Variants in LRP1B observed in about 807,000 individuals in gnomAD.
LRP1B encodes LDL receptor related protein 1B.
LRP1B carries 217 observed loss-of-function variants against 556.6 expected under a neutral mutation model. The observed-to-expected ratio is 0.39, with a 90% CI of 0.35 to 0.44. LRP1B has a LOEUF of 0.44. Among genes scored for constraint, LRP1B ranks in the 20% least tolerant of loss-of-function variants. The pLI is 1.00. For missense variants in LRP1B, 5,053 were observed against 5,620.8 expected, an observed-to-expected ratio of 0.90 and a Z score of 3.23; for synonymous variants, 2,047 against 1,865.8, an observed-to-expected ratio of 1.10 and a Z score of -2.50.
intron 3 of LRP1B, among the ~76,000 whole-genome samples, chr2:141,309,451 A>G (rs970040166): frequency 2.0e-5 from 3 of 152,324 alleles, no homozygotes; most frequent in Admixed American, 2.0e-4. Context: ...CTAATACCCA[A>G]TGTAATAGTG....
At chr2:141,264,878 G>A (rs1684829888) in intron 3 of LRP1B, among the ~76,000 whole-genome samples, 1 of 152,156 alleles carries the variant, frequency 6.6e-6, no homozygotes, top group Non-Finnish European at 1.5e-5. Flanking sequence ...GTCAAGCCTT[G>A]GGAGGCTGAG....
intron 2 of LRP1B, among the ~76,000 whole-genome samples, chr2:141,588,753 G>A (rs1687226868): frequency 6.6e-6 from 1 of 152,130 alleles, no homozygotes; most frequent in Admixed American, 6.5e-5. Context: ...CCCGGTGAAT[G>A]AATGGATTTT....
chr2:140,782,977 A>G (rs2104966727), intron 32 of LRP1B, among the ~76,000 whole-genome samples: 1 of 152,286 alleles, frequency 6.6e-6, no homozygotes, highest in Admixed American at 6.5e-5. Flanking sequence ...TTGAATTTCA[A>G]TGCTTTTTCC....
chr2:140,885,861 C>T (rs1201173280), intron 24 of LRP1B, among the ~76,000 whole-genome samples: 3 of 148,748 alleles, frequency 2.0e-5, no homozygotes, highest in African/African-American at 7.4e-5. Context: ...TATGTAACAA[C>T]CAGTCTTTTT....
intron 1 of LRP1B, among the ~76,000 whole-genome samples, chr2:141,937,830 C>A (rs1700682092): frequency 6.6e-6 from 1 of 152,092 alleles, no homozygotes; most frequent in Non-Finnish European, 1.5e-5. Flanking sequence ...TCAGAGATTA[C>A]ATTTAAGTCT....
At chr2:141,653,469 T>G in intron 2 of LRP1B, among the ~76,000 whole-genome samples, 1 of 152,108 alleles carries the variant, frequency 6.6e-6, no homozygotes, top group Non-Finnish European at 1.5e-5. Context: ...ACAGGCAGAG[T>G]GCTCCTGGCA....
chr2:141,920,292 T>C (rs1292948019), intron 1 of LRP1B, among the ~76,000 whole-genome samples: 2 of 90,104 alleles, frequency 2.2e-5, no homozygotes, highest in East Asian at 4.7e-4. Flanking sequence ...GGGGGGGTGG[T>C]AGGGATAATC....
At chr2:140,830,178 A>G (rs1219946349) in intron 31 of LRP1B, among the ~76,000 whole-genome samples, 3 of 152,080 alleles carry the variant, frequency 2.0e-5, no homozygotes, top group Non-Finnish European at 4.4e-5. Context: ...ATTATACCAC[A>G]CATTTAAATA....
intron 31 of LRP1B, among the ~76,000 whole-genome samples, chr2:140,838,860 G>T (rs1261595819): frequency 2.0e-5 from 3 of 152,064 alleles, no homozygotes; most frequent in Admixed American, 2.0e-4. Context: ...GTTCGAAACA[G>T]TATTATAATA....
intron 6 of LRP1B, among the ~76,000 whole-genome samples, chr2:141,205,088 G>T (rs1035009026): frequency 6.6e-6 from 1 of 152,140 alleles, no homozygotes; most frequent in African/African-American, 2.4e-5. Context: ...TAATACACTT[G>T]ATCTCTGACC....
chr2:140,330,877 A>G (rs571610609), intron 79 of LRP1B, among the ~76,000 whole-genome samples: 21 of 151,342 alleles, frequency 1.4e-4, no homozygotes, highest in Non-Finnish European at 2.8e-4. Flanking sequence ...TACACGAAAA[A>G]ACAACCCCAG....
At chr2:141,463,936 G>C (rs1682053408) in intron 3 of LRP1B, among the ~76,000 whole-genome samples, 1 of 150,358 alleles carries the variant, frequency 6.7e-6, no homozygotes, top group Non-Finnish European at 1.5e-5. Context: ...ATAAAATCCT[G>C]TGCTATGTAT....
At chr2:141,121,814 A>T (rs1335333529) in intron 7 of LRP1B, among the ~76,000 whole-genome samples, 5 of 152,164 alleles carry the variant, frequency 3.3e-5, no homozygotes, top group Non-Finnish European at 5.9e-5. Flanking sequence ...CAGCAAAAGA[A>T]CAAAGCTGGA....
intron 2 of LRP1B, among the ~76,000 whole-genome samples, chr2:141,666,825 C>T (rs1260283531): frequency 1.3e-5 from 2 of 152,168 alleles, no homozygotes; most frequent in South Asian, 2.1e-4. Flanking sequence ...TGTTAATGTG[C>T]CACATGATAC....
chr2:141,073,001 A>C (rs1699687955), intron 7 of LRP1B, among the ~76,000 whole-genome samples: 1 of 151,994 alleles, frequency 6.6e-6, no homozygotes, highest in South Asian at 2.1e-4. Context: ...CTGCATCTTC[A>C]ACTTCTCCTT....
chr2:141,236,835 G>A (rs1683662831), intron 5 of LRP1B, among the ~76,000 whole-genome samples: 1 of 152,126 alleles, frequency 6.6e-6, no homozygotes, highest in Admixed American at 6.6e-5. Context: ...GGAAGCAGAG[G>A]TCATTGGGAA....
chr2:140,989,056 C>T (rs1697012464), intron 17 of LRP1B, among the ~76,000 whole-genome samples: 1 of 151,846 alleles, frequency 6.6e-6, no homozygotes. Flanking sequence ...GGCTAGTGGT[C>T]TTGAGATTTC....
intron 1 of LRP1B, among the ~76,000 whole-genome samples, chr2:142,077,440 AT>A (rs1705546357): frequency 6.6e-6 from 1 of 152,152 alleles, no homozygotes; most frequent in Admixed American, 6.6e-5. Flanking sequence ...AATGAATATA[AT>A]AATTTTTAAA....
intron 20 of LRP1B, among the ~76,000 whole-genome samples, chr2:140,932,639 G>C (rs1226657064): frequency 1.3e-5 from 2 of 151,776 alleles, no homozygotes; most frequent in East Asian, 3.9e-4. Flanking sequence ...TTGGGAGGCT[G>C]AAGTAGGAGG....
Sources: gnomAD v4.1 joint callset for allele counts (sites outside exome capture counted in the v4.1 genomes callset) on GRCh38, gnomAD v4.1.1 for gene constraint, MANE v1.5 for transcripts, NCBI Gene and HGNC (gene_info 2026-07-23, HGNC 2026-07-21) for gene names.